Variants in FARP2 observed in about 807,000 individuals in gnomAD.
FARP2 encodes FERM, ARHGEF and pleckstrin domain-containing protein 2.
Under a neutral mutation model 130.5 loss-of-function variants are expected in FARP2, and 111 were observed. The observed-to-expected ratio is 0.85, with a 90% CI of 0.73 to 1.00. The LOEUF is 1.00. Ranked by LOEUF, FARP2 falls within the 50% of genes least tolerant of loss-of-function variation. The probability of loss-of-function intolerance (pLI) is 0.00; values close to 1 mark genes in which losing one functional copy is unlikely to be tolerated. For missense variants in FARP2, 1,385 were observed against 1,346.3 expected (o/e 1.03, Z -0.45); for synonymous variants, 504 against 516.9 (o/e 0.98, Z 0.34).
chr2:241,394,049 C>G (rs960191968), intron 2 of FARP2, among the ~76,000 whole-genome samples: 5 of 152,018 alleles, frequency 3.3e-5, no homozygotes, highest in Non-Finnish European at 7.4e-5. Flanking sequence ...TGGATGATGC[C>G]AGTGCTCTAA....
In FARP2 at chr2:241,475,346, C is replaced by T. The variant is rs1451895155; in HGVS notation, c.2132-511C>T. 1.3e-5 allele frequency among the ~76,000 whole-genome samples: 2 copies of T among 152,202 alleles called. No individual in the cohort carries two copies. Among genetic ancestry groups the T allele is most frequent in the African/African-American group, 2.4e-5 (1 of 41,446 alleles). On this transcript the variant is annotated intron_variant, in intron 18 of 26. Coordinates refer to ENST00000264042, the MANE Select transcript of FARP2 (RefSeq NM_014808.4). The surrounding 1 kb of genome is among the most constrained non-coding windows in gnomAD (Gnocchi z 4.4). Reference sequence around the variant, plus strand: ...TATAAGTCCTATAAGGCAGGGGTCCCCAGTGCCCATGGCTATGGACTAGTA... The same window carrying T: ...TATAAGTCCTATAAGGCAGGGGTCCTCAGTGCCCATGGCTATGGACTAGTA...
At chr2:241,491,258 C>T (rs2064895805) in intron 23 of FARP2, 79 bp downstream of exon 23, 1 of 1,062,814 alleles carries the variant, frequency 9.4e-7, no homozygotes, top group African/African-American at 1.6e-5. Flanking sequence ...TTCCTTGGTC[C>T]CCATTGGCCC....
intron 15 of FARP2, among the ~76,000 whole-genome samples, chr2:241,462,817 G>T (rs2064059806): frequency 6.6e-6 from 1 of 151,922 alleles, no homozygotes; most frequent in Admixed American, 6.6e-5. Context: ...AGCCTCCCTA[G>T]TAGCTAGGAT....
intron 13 of FARP2, among the ~76,000 whole-genome samples, chr2:241,453,866 C>T (rs1246807205): frequency 1.4e-5 from 2 of 147,382 alleles, no homozygotes; most frequent in Admixed American, 6.8e-5. Context: ...TCACTGCAAC[C>T]TCCACCTCCC....
Position 241,436,503 on chromosome 2 carries a change from TC to T in FARP2, c.1125del (p.Val376PhefsTer4). 1 of 1,614,224 alleles carries T rather than the reference TC, an allele frequency of 6.2e-7. No homozygotes were observed. Among genetic ancestry groups the T allele is most frequent in the Non-Finnish European group, 8.5e-7 (1 of 1,180,036 alleles). The stretch of plus-strand genomic sequence containing the variant: ...CAGAAGGCACAGCAAGACCCACACG[TC>T]CGTTCGAGCTCTGACTGCAGACCTA... ...YERRHSKTHT[S>X]VRALTADLPK... On this transcript the variant is annotated frameshift_variant, in exon 12 of 27. Coordinates refer to ENST00000264042, the MANE Select transcript of FARP2 (RefSeq NM_014808.4). LOFTEE classifies it high-confidence loss of function.
rs570685904 is a variant in FARP2 at position 241,407,019 on chromosome 2, A to G, written c.332-518A>G. Among the ~76,000 whole-genome samples the G allele has an allele frequency of 2.2e-3, 333 of 151,756 alleles. 1 individual carries two copies. The highest frequency in any genetic ancestry group is 7.4e-3 in the African/African-American group (307 of 41,334). ...GAGACGGGGTTTCACTGTGTTGGCC[A>G]GGATGGTCTCGATCTCCTGACCTTG... On this transcript the variant is annotated intron_variant, in intron 4 of 26. Coordinates refer to ENST00000264042, the MANE Select transcript of FARP2 (RefSeq NM_014808.4).
At chr2:241,449,747 C>T (rs1197740653) in intron 13 of FARP2, among the ~76,000 whole-genome samples, 1 of 152,104 alleles carries the variant, frequency 6.6e-6, no homozygotes, top group African/African-American at 2.4e-5. Flanking sequence ...GCCTGTAATC[C>T]CAGCACTTTG....
At chr2:241,489,127 T>G (rs1322526242) in intron 21 of FARP2, 1 of 152,206 alleles carries the variant, frequency 6.6e-6, no homozygotes, top group African/African-American at 2.4e-5. Context: ...CTTATGTTGA[T>G]TCAGATTTTT....
At chr2:241,449,658 G>A (rs570970205) in intron 13 of FARP2, among the ~76,000 whole-genome samples, 1 of 152,048 alleles carries the variant, frequency 6.6e-6, no homozygotes, top group South Asian at 2.1e-4. Context: ...GAAATCATAT[G>A]ATGAATATTG....
chr2:241,411,362 G>A (rs955175606), intron 6 of FARP2, among the ~76,000 whole-genome samples: 1 of 152,218 alleles, frequency 6.6e-6, no homozygotes, highest in Non-Finnish European at 1.5e-5. Flanking sequence ...AAAATCTGTA[G>A]CCACGTTCCT....
chr2:241,405,929 A>G (rs2062325542), intron 4 of FARP2, among the ~76,000 whole-genome samples: 1 of 151,256 alleles, frequency 6.6e-6, no homozygotes, highest in Non-Finnish European at 1.5e-5. Flanking sequence ...TTGAGACTGC[A>G]TCTGAGAAAA....
At chr2:241,422,068 C>T (rs948394661) in intron 8 of FARP2, among the ~76,000 whole-genome samples, 9 of 151,856 alleles carry the variant, frequency 5.9e-5, no homozygotes, top group African/African-American at 1.9e-4. Context: ...CACTTGAACA[C>T]GGGGAGGCAG....
intron 8 of FARP2, among the ~76,000 whole-genome samples, chr2:241,418,672 A>C (rs1456898747): frequency 6.6e-6 from 1 of 152,206 alleles, no homozygotes; most frequent in Non-Finnish European, 1.5e-5. Context: ...GTAAATAATT[A>C]CATAAATGGT....
chr2:241,359,905 T>C (rs1310529480), intron 1 of FARP2, among the ~76,000 whole-genome samples: 1 of 152,194 alleles, frequency 6.6e-6, no homozygotes, highest in East Asian at 1.9e-4. Flanking sequence ...GGGCTTGACA[T>C]GCATCTCCTT....
intron 2 of FARP2, among the ~76,000 whole-genome samples, chr2:241,379,076 G>C (rs962820918): frequency 1.3e-5 from 2 of 152,184 alleles, no homozygotes; most frequent in African/African-American, 4.8e-5. Flanking sequence ...AACCATGCCA[G>C]GTGTGAAAAG....
chr2:241,475,026 T>G lies in FARP2; in HGVS notation c.2132-831T>G, dbSNP rs2064421022. Among the ~76,000 whole-genome samples, 1 of 152,216 alleles carries G rather than the reference T, an allele frequency of 6.6e-6. No homozygotes were observed. Among genetic ancestry groups the G allele is most frequent in the Non-Finnish European group, 1.5e-5 (1 of 68,040 alleles). On this transcript the variant is annotated intron_variant, in intron 18 of 26. Transcript: ENST00000264042. This position sits in a 1 kb window ranked among gnomAD's most constrained non-coding sequence, Gnocchi z 4.4. ...TGTTTTAAGTTTCCTGTCCAGATTA[T>G]AAACTTTCTCTTATCTTTGCTTGAA... is the stretch of plus-strand genomic sequence containing the variant.
chr2:241,467,628 C>T (rs951645344), intron 17 of FARP2, among the ~76,000 whole-genome samples: 1 of 148,854 alleles, frequency 6.7e-6, no homozygotes, highest in Non-Finnish European at 1.5e-5. Flanking sequence ...GGCGACAGAG[C>T]TAGATCCAGT....
chr2:241,442,137 C>T (rs1337439541), intron 13 of FARP2: 2 of 426,698 alleles, frequency 4.7e-6, no homozygotes, highest in South Asian at 3.4e-5. Flanking sequence ...CTGAGACCAG[C>T]TCACTGAGAA....
At chr2:241,375,284 T>C (rs1310628153) in intron 2 of FARP2, among the ~76,000 whole-genome samples, 1 of 152,154 alleles carries the variant, frequency 6.6e-6, no homozygotes, top group Non-Finnish European at 1.5e-5. Context: ...TGGAGGAATT[T>C]CCACCATGTA....
Sources: allele counts gnomAD v4.1 joint callset (sites outside exome capture counted in the v4.1 genomes callset), GRCh38; gene constraint gnomAD v4.1.1; non-coding constraint Gnocchi (gnomAD v3.1); transcripts MANE v1.5; gene names NCBI Gene and HGNC (gene_info 2026-07-23, HGNC 2026-07-21).